The following SEMA6D variants were observed in gnomAD, a reference collection of about 807,000 sequenced individuals.
SEMA6D encodes semaphorin-6D.
In SEMA6D, 35 loss-of-function variants were observed where a neutral mutation model predicts 106.6. The observed-to-expected ratio is 0.33, with a 90% confidence interval of 0.25 to 0.44. SEMA6D has a LOEUF of 0.44. SEMA6D is among the 20% of genes least tolerant of loss of function. The pLI is 1.00. For missense variants in SEMA6D, 1,185 were observed against 1,345.9 expected, an observed-to-expected ratio of 0.88 and a Z score of 1.87; for synonymous variants, 499 against 487.7, an observed-to-expected ratio of 1.02 and a Z score of -0.31.
At chr15:47,450,759 C>T (rs931236134) in intron 2 of SEMA6D, among the ~76,000 whole-genome samples, 4 of 152,178 alleles carry the variant, frequency 2.6e-5, no homozygotes, top group Non-Finnish European at 1.5e-5. Context: ...GGTCCCTTCT[C>T]ATTTGAAATA....
chr15:47,676,146 C>G (rs945979921), intron 4 of SEMA6D, among the ~76,000 whole-genome samples: 2 of 152,214 alleles, frequency 1.3e-5, no homozygotes, highest in South Asian at 2.1e-4. Context: ...TTGCTAATCT[C>G]TAGGTTTTCT....
intron 3 of SEMA6D, among the ~76,000 whole-genome samples, chr15:47,549,376 G>A (rs941947155): frequency 1.2e-4 from 19 of 152,094 alleles, no homozygotes; most frequent in Admixed American, 1.3e-4. Context: ...GAGTGGCTGT[G>A]GGAGGGCTGA....
intron 1 of SEMA6D, among the ~76,000 whole-genome samples, chr15:47,339,808 A>G (rs111415796): frequency 0.011 from 1,731 of 152,124 alleles, 13 homozygotes; most frequent in Non-Finnish European, 0.015. Context: ...GTAGTGAGCT[A>G]TCATGCCAAT....
At chr15:47,278,603 G>A (rs1318455841) in intron 1 of SEMA6D, among the ~76,000 whole-genome samples, 53 of 151,986 alleles carry the variant, frequency 3.5e-4, no homozygotes, top group South Asian at 4.2e-4. Flanking sequence ...GCTGTGCAGA[G>A]GCTCTTTAGT....
At chr15:47,514,487 C>T (rs956999546) in intron 3 of SEMA6D, among the ~76,000 whole-genome samples, 5 of 152,178 alleles carry the variant, frequency 3.3e-5, no homozygotes, top group Non-Finnish European at 7.4e-5. Flanking sequence ...TCACTTGCAG[C>T]ATTCCCCATT....
chr15:47,503,581 A>G (rs1257697735), intron 3 of SEMA6D, among the ~76,000 whole-genome samples: 1 of 152,106 alleles, frequency 6.6e-6, no homozygotes, highest in Non-Finnish European at 1.5e-5. Flanking sequence ...TGTAGCTTTC[A>G]TGGTTCCACC....
intron 2 of SEMA6D, among the ~76,000 whole-genome samples, chr15:47,420,469 G>A (rs1345759064): frequency 6.6e-6 from 1 of 151,884 alleles, no homozygotes; most frequent in African/African-American, 2.4e-5. Context: ...AATGTCTCTG[G>A]AAATACTGCC....
At chr15:47,280,344 GTTTGT>G (rs2035054588) in intron 1 of SEMA6D, among the ~76,000 whole-genome samples, 10 of 151,490 alleles carry the variant, frequency 6.6e-5, no homozygotes, top group African/African-American at 2.2e-4. Context: ...TCTGATGGTA[GTTTGT>G]ATTTCTGTGG....
At chr15:47,220,257 A>C (rs2031069535) in intron 1 of SEMA6D, among the ~76,000 whole-genome samples, 2 of 152,208 alleles carry the variant, frequency 1.3e-5, no homozygotes, top group South Asian at 4.1e-4. Flanking sequence ...CGATAAACCG[A>C]AACTTCCTCT....
At chr15:47,517,274 G>A (rs994503373) in intron 3 of SEMA6D, among the ~76,000 whole-genome samples, 1 of 152,002 alleles carries the variant, frequency 6.6e-6, no homozygotes, top group Admixed American at 6.6e-5. Context: ...TTTCAAGATG[G>A]GTATGTTAGA....
intron 1 of SEMA6D, among the ~76,000 whole-genome samples, chr15:47,731,486 A>G (rs529245303): frequency 6.6e-6 from 1 of 152,202 alleles, no homozygotes; most frequent in Non-Finnish European, 1.5e-5. Flanking sequence ...AAAGTGTTCT[A>G]TGAAAAAGGG....
In SEMA6D at chr15:47,459,770, A is replaced by G. The variant is rs927248217; in HGVS notation, c.-158-10704A>G. On this transcript the variant is annotated intron_variant, in intron 2 of 19. Transcript: ENST00000558014. ...TTAAATTCTTAAGAATTTCTGGTGG[A>G]GAGTCTATTAAATTCTACTTAAAAA... is the stretch of plus-strand genomic sequence containing the variant. Among the ~76,000 whole-genome samples the G allele has an allele frequency of 2.5e-4, 38 of 152,090 alleles. 1 individual carries two copies.
chr15:47,393,219 AT>A (rs1346219467), intron 1 of SEMA6D: 1 of 152,022 alleles, frequency 6.6e-6, no homozygotes, highest in African/African-American at 2.4e-5. Flanking sequence ...CATCAAAAAA[AT>A]AAATTGAAAT....
intron 1 of SEMA6D, among the ~76,000 whole-genome samples, chr15:47,317,939 TTTC>T (rs1405967597): frequency 6.6e-6 from 1 of 151,930 alleles, no homozygotes; most frequent in East Asian, 1.9e-4. Flanking sequence ...TTGTCACATA[TTTC>T]TTCTGTTCTT....
intron 4 of SEMA6D, among the ~76,000 whole-genome samples, chr15:47,676,186 C>A (rs2078242012): frequency 1.3e-5 from 2 of 152,212 alleles, no homozygotes; most frequent in African/African-American, 4.8e-5. Context: ...TCAGCTCTTC[C>A]AGGATCTGTG....
intron 1 of SEMA6D, among the ~76,000 whole-genome samples, chr15:47,278,160 T>C (rs1288153260): frequency 1.3e-5 from 2 of 152,104 alleles, no homozygotes; most frequent in Non-Finnish European, 2.9e-5. Context: ...ATGGTATTTC[T>C]AGTTCTAGAT....
rs73394808 is a variant in SEMA6D, at chr15:47,705,959, C to T, written c.-54-53786C>T. On this transcript the variant is annotated intron_variant, in intron 4 of 19. Coordinates refer to the SEMA6D transcript ENST00000558014. ...CTGCTTCAGTCCCAGAGCCCTTGTC[C>T]TAATCTACCTCAGTTACGGGGCACA... Among the ~76,000 whole-genome samples the T allele has an allele frequency of 4.3e-3, 660 of 152,284 alleles. 5 individuals carry two copies. Among genetic ancestry groups the T allele is most frequent in the African/African-American group, 0.015 (641 of 41,542 alleles).
chr15:47,602,986 A>G (rs1383970670), intron 4 of SEMA6D, among the ~76,000 whole-genome samples: 1 of 152,150 alleles, frequency 6.6e-6, no homozygotes, highest in Non-Finnish European at 1.5e-5. Flanking sequence ...TAAGCTTTGG[A>G]TAACAGAACT....
At chr15:47,723,698 T>TA (rs1041148472) in intron 1 of SEMA6D, among the ~76,000 whole-genome samples, 2 of 79,628 alleles carry the variant, frequency 2.5e-5, no homozygotes, top group Admixed American at 1.0e-4. Flanking sequence ...TGCATCAGCA[T>TA]TTTTTTTTGT....
Sources: gnomAD v4.1 joint callset for allele counts (sites outside exome capture counted in the v4.1 genomes callset) on GRCh38, gnomAD v4.1.1 for gene constraint, MANE v1.5 for transcripts, NCBI Gene and HGNC (gene_info 2026-07-23, HGNC 2026-07-21) for gene names.